The following TRIML2 variants were observed in gnomAD, a reference collection of about 807,000 sequenced individuals.
The protein encoded by TRIML2 is probable E3 ubiquitin-protein ligase TRIML2.
TRIML2 carries 28 observed loss-of-function variants against 31.2 expected under a neutral mutation model. The observed-to-expected ratio is 0.90, with a 90% confidence interval of 0.66 to 1.23. The LOEUF (loss-of-function observed/expected upper bound fraction) is 1.23. TRIML2 is among the 50% of genes most tolerant of loss of function. TRIML2 has a pLI of 0.00. For missense variants in TRIML2, 536 were observed against 528.3 expected, an observed-to-expected ratio of 1.01 and a Z score of -0.14; for synonymous variants, 187 against 197.5, an observed-to-expected ratio of 0.95 and a Z score of 0.45.
chr4:188,097,028 G>A (rs1489095996), intron 7 of TRIML2, 33 bp downstream of exon 7: 3 of 1,430,606 alleles, frequency 2.1e-6, no homozygotes, highest in Non-Finnish European at 3.0e-6. Context: ...ATGCAGAACA[G>A]TGCCCTGTGA....
rs1165811625 is a variant in TRIML2, at chr4:188,097,151, G to A, written c.655C>T (p.Leu219=). 2 of 1,614,006 alleles carry A rather than the reference G, an allele frequency of 1.2e-6. No homozygotes were observed. The highest frequency in any genetic ancestry group is 3.3e-5 in the Admixed American group (2 of 60,014). ...AKYSLERSKS[L]LLEHLEPAHI... The stretch of plus-strand genomic sequence containing the variant: ...GCGGGCTCCAGATGCTCAAGCAGCA[G>A]TGACTTGCTCCTGAAGAGAAAGGAC... Residue 219 remains leucine (L), a synonymous_variant, in exon 7 of 8, where the codon CTG becomes TTG. Coordinates refer to ENST00000682553, the MANE Select transcript of TRIML2 (RefSeq NM_173553.4).
At chr4:188,102,288 G>A (rs1413583583) in intron 3 of TRIML2, among the ~76,000 whole-genome samples, 1 of 151,972 alleles carries the variant, frequency 6.6e-6, no homozygotes, top group South Asian at 2.1e-4. Flanking sequence ...AGTCATGGAC[G>A]AAAGACACCA....
At position 188,104,321 on chromosome 4, in the gene TRIML2, G is replaced by A. The variant is rs187420300; in HGVS notation, c.285+516C>T. Reference sequence around the variant, plus strand: ...CTTTTCTGCAAACTCTTATTTGATCGTTTTTTAAAATTAAATTTCTAGTCT... The same window carrying A: ...CTTTTCTGCAAACTCTTATTTGATCATTTTTTAAAATTAAATTTCTAGTCT... On this transcript the variant is annotated intron_variant, in intron 3 of 7. Coordinates refer to ENST00000682553, the MANE Select transcript of TRIML2 (RefSeq NM_173553.4). Among the ~76,000 whole-genome samples, 120 of 152,014 alleles carry A rather than the reference G, an allele frequency of 7.9e-4. 1 individual carries two copies. The highest frequency in any genetic ancestry group is 6.8e-3 in the Middle Eastern group (2 of 294).
intron 3 of TRIML2, among the ~76,000 whole-genome samples, chr4:188,103,166 C>A (rs960746887): frequency 1.3e-5 from 2 of 151,828 alleles, no homozygotes; most frequent in African/African-American, 4.8e-5. Context: ...GCACCTGCCA[C>A]CACACCCGAT....
At chr4:188,097,650 G>T (rs1400323761) in intron 5 of TRIML2, among the ~76,000 whole-genome samples, 1 of 152,224 alleles carries the variant, frequency 6.6e-6, no homozygotes, top group South Asian at 2.1e-4. Context: ...GCAGGGGGTG[G>T]CCAGAGTTCA....
chr4:188,092,017 T>C, intron 7 of TRIML2, 76 bp from the exon 8 acceptor site: 1 of 1,462,728 alleles, frequency 6.8e-7, no homozygotes, highest in South Asian at 1.3e-5. Flanking sequence ...CTAACACACC[T>C]GGGCTTCCCA....
At position 188,091,342 on chromosome 4, in the gene TRIML2, T is replaced by C. The variant is rs1212075664; in HGVS notation, c.*31A>G. ...AGTCTTGTTCTCCAACTTTCTGGTG[T>C]CTCGTGGTCTTGGATTTTACACACA... On this transcript the variant is annotated 3_prime_UTR_variant, in exon 8 of 8. Transcript: ENST00000682553. 2 of 1,577,404 alleles carry C rather than the reference T, an allele frequency of 1.3e-6. No individual in the cohort carries two copies.
At chr4:188,105,692 A>G (rs1250893617) in intron 1 of TRIML2, 102 bp from the exon 2 acceptor site, 4 of 238,192 alleles carry the variant, frequency 1.7e-5, no homozygotes, top group Non-Finnish European at 3.3e-5. Flanking sequence ...ATTACAAGGA[A>G]CAGCACTCAC....
chr4:188,099,705 C>G (rs977786055), intron 4 of TRIML2, among the ~76,000 whole-genome samples: 2 of 152,124 alleles, frequency 1.3e-5, no homozygotes, highest in Non-Finnish European at 2.9e-5. Flanking sequence ...TGATTCTTTG[C>G]CCCCTGTTAT....
intron 3 of TRIML2, among the ~76,000 whole-genome samples, chr4:188,103,003 T>A: frequency 7.2e-6 from 1 of 137,986 alleles, no homozygotes; most frequent in East Asian, 2.1e-4. Flanking sequence ...TTTACTCTCT[T>A]GGTTTTTTTT....
At chr4:188,100,988 T>A in intron 4 of TRIML2, 68 bp downstream of exon 4, 1 of 1,412,442 alleles carries the variant, frequency 7.1e-7, no homozygotes, top group South Asian at 1.5e-5. Flanking sequence ...TATTTTGGAA[T>A]TGACATAATG....
chr4:188,103,844 T>C (rs1733911925), intron 3 of TRIML2, among the ~76,000 whole-genome samples: 2 of 152,092 alleles, frequency 1.3e-5, no homozygotes, highest in South Asian at 4.2e-4. Context: ...GCTGAACACA[T>C]GGTACTTGGA....
intron 3 of TRIML2, among the ~76,000 whole-genome samples, chr4:188,103,481 C>T (rs565810120): frequency 7.9e-5 from 12 of 152,146 alleles, no homozygotes; most frequent in Admixed American, 5.9e-4. Context: ...CTACAGCCCC[C>T]GTTTCCTTAC....
At chr4:188,107,660 CATCT>C (rs1734097057) in intron 1 of TRIML2, among the ~76,000 whole-genome samples, 1 of 152,154 alleles carries the variant, frequency 6.6e-6, no homozygotes, top group South Asian at 2.1e-4. Context: ...TTTCAACTTC[CATCT>C]GTTATATTAT....
chr4:188,095,296 A>C (rs558281025), intron 7 of TRIML2, among the ~76,000 whole-genome samples: 6 of 152,360 alleles, frequency 3.9e-5, no homozygotes, highest in African/African-American at 1.4e-4. Context: ...ATCAAAATGC[A>C]AAACCTCTAC....
Position 188,109,270 on chromosome 4 carries a change from C to CTTTTTTTTTTTTTTTTTTTTTTTTT in TRIML2, c.-251_-250insAAAAAAAAAAAAAAAAAAAAAAAAA, listed in dbSNP as rs769207658. 1 of 69,936 alleles carries CTTTTTTTTTTTTTTTTTTTTTTTTT rather than the reference C, an allele frequency of 1.4e-5. No individual in the cohort carries two copies. The highest frequency in any genetic ancestry group is 2.5e-4 in the Admixed American group (1 of 4,066). The allele number at this position is 69,936 out of a possible 1,614,324, so 4.3% of individuals were successfully genotyped here. On this transcript the variant is annotated 5_prime_UTR_variant, in exon 1 of 8. Coordinates refer to ENST00000682553, the MANE Select transcript of TRIML2 (RefSeq NM_173553.4). ...TCTTTGTAGCAATCCTGGGTATTTC[C>CTTTTTTTTTTTTTTTTTTTTTTTTT]TTTTTTTTTTTTTTTTTTTTTTTTG...
In TRIML2 at chr4:188,105,539, C is replaced by T. The variant is rs1733991290; in HGVS notation, c.-171G>A. ...AGGAAATAAGTCCACGCAGACAGAGCGGGTCGGCGCTCTGGACTCCTCAAA... is the reference window on the plus strand; with the variant it reads ...AGGAAATAAGTCCACGCAGACAGAGTGGGTCGGCGCTCTGGACTCCTCAAA... On this transcript the variant is annotated 5_prime_UTR_variant, in exon 2 of 8. Transcript: ENST00000682553. 6.2e-6 allele frequency: 3 copies of T among 483,210 alleles called. No individual in the cohort carries two copies. The highest frequency in any genetic ancestry group is 2.9e-5 in the East Asian group (1 of 34,628). The allele number at this position is 483,210 out of a possible 1,614,324, so 29.9% of individuals were successfully genotyped here. A position where few individuals can be genotyped will look rare whatever the true frequency, so the allele number is the denominator to read the frequency against.
intron 7 of TRIML2, among the ~76,000 whole-genome samples, chr4:188,095,510 T>C (rs922541969): frequency 6.6e-6 from 1 of 152,234 alleles, no homozygotes; most frequent in Non-Finnish European, 1.5e-5. Context: ...CATGAAAATA[T>C]GCTCAGCATC....
chr4:188,104,240 C>G (rs1036550037), intron 3 of TRIML2, among the ~76,000 whole-genome samples: 4 of 152,168 alleles, frequency 2.6e-5, no homozygotes, highest in African/African-American at 9.7e-5. Flanking sequence ...ATTTGTATTT[C>G]TCTTACCACG....
Sources: gnomAD v4.1 joint callset for allele counts (sites outside exome capture counted in the v4.1 genomes callset) on GRCh38, gnomAD v4.1.1 for gene constraint, MANE v1.5 for transcripts, NCBI Gene and HGNC (gene_info 2026-07-23, HGNC 2026-07-21) for gene names.